PLCL1: variants seen among roughly 807,000 people sequenced by gnomAD.
PLCL1 encodes the protein inactive phospholipase C-like protein 1.
PLCL1 carries 41 observed loss-of-function variants against 84.4 expected under a neutral mutation model. The ratio of observed to expected loss-of-function variants is 0.49; its 90% CI spans 0.38 to 0.63. The LOEUF (loss-of-function observed/expected upper bound fraction) is 0.63. PLCL1 is among the 30% of genes least tolerant of loss of function. The pLI, the probability that PLCL1 is intolerant of heterozygous loss-of-function variation, is 0.00. For synonymous variants in PLCL1, 490 were observed against 488.3 expected (o/e 1.00, Z -0.05); for missense variants, 1,206 against 1,367.8 (o/e 0.88, Z 1.87).
chr2:197,922,450 CT>C (rs1688721746), intron 1 of PLCL1, among the ~76,000 whole-genome samples: 1 of 115,228 alleles, frequency 8.7e-6, no homozygotes, highest in South Asian at 3.1e-4. Context: ...ATTTCTCAAT[CT>C]TTTCCCCACC....
intron 5 of PLCL1, among the ~76,000 whole-genome samples, chr2:198,109,512 T>C (rs991110502): frequency 6.6e-6 from 1 of 151,900 alleles, no homozygotes; most frequent in Non-Finnish European, 1.5e-5. Context: ...CAGAAAGGGA[T>C]ACTACAACTT....
intron 1 of PLCL1, among the ~76,000 whole-genome samples, chr2:198,057,768 C>T (rs747051740): frequency 1.3e-4 from 20 of 152,112 alleles, no homozygotes; most frequent in Non-Finnish European, 2.2e-4. Context: ...CACAGCTAGG[C>T]GTGGCGAGAA....
rs1443771991 is a variant in PLCL1, at chr2:197,833,659, TAAGAG to T, written c.240+28322_240+28326del. On this transcript the variant is annotated intron_variant, in intron 1 of 5. Transcript: ENST00000428675. Reference sequence around the variant, plus strand: ...CTCTTCAAGGAGGACTACAAGGAAATAAGAGAGGACACAAACAAGTGGAAAAACAT... The same window carrying T: ...CTCTTCAAGGAGGACTACAAGGAAATAGGACACAAACAAGTGGAAAAACAT... Among the ~76,000 whole-genome samples the T allele has an allele frequency of 2.0e-5, 3 of 151,954 alleles. No homozygotes were observed. The South Asian group carries it at 6.2e-4, about 31-fold the overall frequency.
At chr2:198,048,777 A>T (rs909275535) in intron 1 of PLCL1, among the ~76,000 whole-genome samples, 1 of 152,200 alleles carries the variant, frequency 6.6e-6, no homozygotes, top group Non-Finnish European at 1.5e-5. Context: ...TCAACATGAG[A>T]TATGGAAGGA....
intron 3 of PLCL1, 37 bp downstream of exon 3, chr2:198,089,098 G>T: frequency 1.4e-6 from 2 of 1,455,880 alleles, no homozygotes; most frequent in Non-Finnish European, 9.6e-7. Context: ...TTACGTGTGT[G>T]TGTGTGTGAA....
At chr2:198,104,933 G>A (rs567687102) in intron 5 of PLCL1, among the ~76,000 whole-genome samples, 6 of 152,058 alleles carry the variant, frequency 3.9e-5, no homozygotes, top group South Asian at 2.1e-4. Context: ...ACCTTTGTTG[G>A]ATGCATAGTT....
At chr2:198,008,625 T>C (rs912568904) in intron 1 of PLCL1, among the ~76,000 whole-genome samples, 2 of 152,074 alleles carry the variant, frequency 1.3e-5, no homozygotes, top group Non-Finnish European at 2.9e-5. Context: ...TTTGGACTGC[T>C]TCTATCTCTT....
intron 1 of PLCL1, among the ~76,000 whole-genome samples, chr2:198,078,268 AAGAATAAGAC>A (rs771462408): frequency 3.3e-5 from 5 of 152,210 alleles, no homozygotes; most frequent in Admixed American, 6.5e-5. Context: ...TGAATAAATG[AAGAATAAGAC>A]CAGAGGCTTC....
chr2:198,091,551 C>A (rs80204916), intron 3 of PLCL1, among the ~76,000 whole-genome samples: 1 of 151,450 alleles, frequency 6.6e-6, no homozygotes, highest in Non-Finnish European at 1.5e-5. Flanking sequence ...ATGGTGGCAC[C>A]CGCCTGTAAT....
chr2:197,835,668 C>T (rs1210676832), intron 1 of PLCL1, among the ~76,000 whole-genome samples: 3 of 152,196 alleles, frequency 2.0e-5, no homozygotes, highest in Non-Finnish European at 4.4e-5. Context: ...CTCTGAGACT[C>T]TGTTTCTTCG....
intron 1 of PLCL1, among the ~76,000 whole-genome samples, chr2:198,035,838 C>G (rs1691541821): frequency 6.6e-6 from 1 of 152,212 alleles, no homozygotes; most frequent in African/African-American, 2.4e-5. Context: ...AGTTTGAGAC[C>G]AGCCTGGCCA....
At chr2:197,971,129 G>T (rs891276314) in intron 1 of PLCL1, among the ~76,000 whole-genome samples, 4 of 152,150 alleles carry the variant, frequency 2.6e-5, no homozygotes, top group African/African-American at 7.2e-5. Flanking sequence ...TTCAGTCATA[G>T]TTGTGACTTT....
chr2:198,095,460 G>A (rs1316085900), intron 3 of PLCL1, among the ~76,000 whole-genome samples: 2 of 152,158 alleles, frequency 1.3e-5, no homozygotes, highest in Non-Finnish European at 2.9e-5. Flanking sequence ...GTTACAGAAA[G>A]AGTTACTTAG....
At chr2:197,884,164 G>A (rs1418084443) in intron 1 of PLCL1, among the ~76,000 whole-genome samples, 1 of 152,180 alleles carries the variant, frequency 6.6e-6, no homozygotes, top group African/African-American at 2.4e-5. Context: ...AAGAAGTCCA[G>A]AGATAGACGG....
chr2:198,010,845 A>G (rs1204158949), intron 1 of PLCL1, among the ~76,000 whole-genome samples: 1 of 150,818 alleles, frequency 6.6e-6, no homozygotes, highest in African/African-American at 2.4e-5. Context: ...CTAGTTATAG[A>G]TCTGTTTCCG....
At chr2:197,815,495 A>G (rs988510806) in intron 1 of PLCL1, among the ~76,000 whole-genome samples, 1 of 152,188 alleles carries the variant, frequency 6.6e-6, no homozygotes, top group Non-Finnish European at 1.5e-5. Context: ...CATAAGATCC[A>G]TTCTGCAGCC....
At chr2:198,136,045 G>A (rs1694248096) in intron 5 of PLCL1, among the ~76,000 whole-genome samples, 1 of 151,958 alleles carries the variant, frequency 6.6e-6, no homozygotes, top group Admixed American at 6.6e-5. Flanking sequence ...TCTTTTTTTG[G>A]ACTAATGAGT....
chr2:197,869,814 C>T (rs1428302999), intron 1 of PLCL1, among the ~76,000 whole-genome samples: 2 of 152,138 alleles, frequency 1.3e-5, no homozygotes, highest in African/African-American at 4.8e-5. Flanking sequence ...GCAGCAACAG[C>T]TCATAGTAGA....
intron 5 of PLCL1, among the ~76,000 whole-genome samples, chr2:198,146,236 A>G (rs1055222819): frequency 6.6e-6 from 1 of 152,214 alleles, no homozygotes; most frequent in Non-Finnish European, 1.5e-5. Flanking sequence ...TGGGTGACTG[A>G]TAATTTAACA....
Sources: gnomAD v4.1 joint callset for allele counts (sites outside exome capture counted in the v4.1 genomes callset) on GRCh38, gnomAD v4.1.1 for gene constraint, MANE v1.5 for transcripts, NCBI Gene and HGNC (gene_info 2026-07-23, HGNC 2026-07-21) for gene names.